Variants in IMMP2L observed in about 807,000 individuals in gnomAD.
The protein encoded by IMMP2L is inner mitochondrial membrane peptidase subunit 2.
Under a neutral mutation model 19.3 loss-of-function variants are expected in IMMP2L, and 18 were observed. The ratio of observed to expected loss-of-function variants is 0.93; its 90% CI spans 0.64 to 1.38. IMMP2L has a LOEUF of 1.38. Ranked by LOEUF, IMMP2L falls within the 40% of genes most tolerant of loss-of-function variation. The probability of loss-of-function intolerance (pLI) is 0.00; values close to 1 mark genes in which losing one functional copy is unlikely to be tolerated. For missense variants in IMMP2L, 233 were observed against 218.2 expected (o/e 1.07, Z -0.43); for synonymous variants, 76 against 73.0 (o/e 1.04, Z -0.21).
intron 5 of IMMP2L, among the ~76,000 whole-genome samples, chr7:110,811,325 C>A (rs1802019125): frequency 6.6e-6 from 1 of 151,942 alleles, no homozygotes; most frequent in African/African-American, 2.4e-5. Flanking sequence ...ACCTTAGTGA[C>A]TCATAAAGAA....
chr7:111,122,633 A>C (rs1586426260), intron 3 of IMMP2L: 1 of 664,338 alleles, frequency 1.5e-6, no homozygotes, highest in South Asian at 2.0e-5. Context: ...TATTTCAGTG[A>C]AGAAAAACTT....
At chr7:111,284,642 G>A (rs1820294463) in intron 3 of IMMP2L, among the ~76,000 whole-genome samples, 1 of 152,130 alleles carries the variant, frequency 6.6e-6, no homozygotes, top group South Asian at 2.1e-4. Flanking sequence ...TAAGCCCGGG[G>A]CTTTAAAAAT....
At chr7:110,712,554 G>A (rs534754262) in intron 5 of IMMP2L, among the ~76,000 whole-genome samples, 1 of 26,486 alleles carries the variant, frequency 3.8e-5, no homozygotes, top group Admixed American at 3.1e-4. Flanking sequence ...CGAGCTTCCC[G>A]GCTGCTTTGT....
chr7:111,032,844 G>T (rs1212154254), intron 3 of IMMP2L, among the ~76,000 whole-genome samples: 2 of 151,720 alleles, frequency 1.3e-5, no homozygotes, highest in African/African-American at 2.4e-5. Context: ...AATAGGCCGG[G>T]TGTGGTGGCT....
intron 3 of IMMP2L, among the ~76,000 whole-genome samples, chr7:111,474,237 G>A (rs1339420864): frequency 6.6e-6 from 1 of 151,998 alleles, no homozygotes; most frequent in Non-Finnish European, 1.5e-5. Context: ...CTCACTACCT[G>A]GATGACGGGA....
At chr7:110,940,981 A>G (rs1258698095) in intron 4 of IMMP2L, among the ~76,000 whole-genome samples, 1 of 152,196 alleles carries the variant, frequency 6.6e-6, no homozygotes, top group Admixed American at 6.5e-5. Flanking sequence ...TTAGGGGACC[A>G]ATCATCACTG....
chr7:111,403,096 C>G (rs1381919077), intron 3 of IMMP2L, among the ~76,000 whole-genome samples: 7 of 150,624 alleles, frequency 4.6e-5, no homozygotes, highest in Non-Finnish European at 8.8e-5. Flanking sequence ...TGGTTTGGCT[C>G]TGTGTCCCCA....
At chr7:110,808,405 G>T (rs1364211725) in intron 5 of IMMP2L, among the ~76,000 whole-genome samples, 1 of 152,008 alleles carries the variant, frequency 6.6e-6, no homozygotes. Context: ...AGGGAATCAA[G>T]AGTTTATTTA....
At chr7:111,274,622 T>A (rs1365249025) in intron 3 of IMMP2L, among the ~76,000 whole-genome samples, 1 of 152,172 alleles carries the variant, frequency 6.6e-6, no homozygotes, top group South Asian at 2.1e-4. Flanking sequence ...CATACTAAAT[T>A]ACAATAGCAG....
rs182479128 is a variant in IMMP2L at position 110,794,067 on chromosome 7, G to A, written c.408+92526C>T. Among the ~76,000 whole-genome samples, 453 of 152,056 alleles carry A rather than the reference G, an allele frequency of 3.0e-3. 3 individuals are homozygous for A. Among genetic ancestry groups the A allele is most frequent in the African/African-American group, 9.7e-3 (402 of 41,510 alleles). On this transcript the variant is annotated intron_variant, in intron 5 of 5. Coordinates refer to ENST00000405709, the MANE Select transcript of IMMP2L (RefSeq NM_032549.4). ...TGCTGGTAGAAATGCAAAATGGCAC[G>A]GCCACTTTGGAAGACAATTTGGCAG...
intron 3 of IMMP2L, among the ~76,000 whole-genome samples, chr7:111,468,373 T>C (rs1333375694): frequency 1.3e-5 from 2 of 152,170 alleles, no homozygotes; most frequent in African/African-American, 4.8e-5. Flanking sequence ...GGGTATCACA[T>C]AAATACATTG....
chr7:110,732,792 C>CTT (rs1251223681), intron 5 of IMMP2L, among the ~76,000 whole-genome samples: 8 of 140,938 alleles, frequency 5.7e-5, no homozygotes, highest in African/African-American at 1.5e-4. Flanking sequence ...CAATGAATTT[C>CTT]TTTTTTTTTT....
intron 1 of IMMP2L, among the ~76,000 whole-genome samples, chr7:111,536,025 A>C (rs1277855594): frequency 6.6e-6 from 1 of 152,110 alleles, no homozygotes; most frequent in African/African-American, 2.4e-5. Flanking sequence ...AAAAGATGGA[A>C]GTACATCAAA....
chr7:110,719,909 A>C (rs1314997504), intron 5 of IMMP2L, among the ~76,000 whole-genome samples: 1 of 152,202 alleles, frequency 6.6e-6, no homozygotes, highest in Non-Finnish European at 1.5e-5. Context: ...CCAAAATATC[A>C]AGTAAATCAA....
rs370272368 is a variant in IMMP2L at position 111,314,275 on chromosome 7, C to G, written c.239+172963G>C. Among the ~76,000 whole-genome samples, 9 of 152,146 alleles carry G rather than the reference C, an allele frequency of 5.9e-5. No individual in the cohort carries two copies. In the East Asian group the frequency reaches 1.5e-3, roughly 26 times the overall value. On this transcript the variant is annotated intron_variant, in intron 3 of 5. Transcript: ENST00000405709. ...AAAATAATATTTCAGATCAGAAAAA[C>G]AGCATGTATGGAGGCATACAGACCT... is the stretch of plus-strand genomic sequence containing the variant.
At chr7:111,209,843 G>C (rs1562929368) in intron 3 of IMMP2L, among the ~76,000 whole-genome samples, 1 of 152,108 alleles carries the variant, frequency 6.6e-6, no homozygotes, top group South Asian at 2.1e-4. Flanking sequence ...TGAAGGTTCG[G>C]GTCAGTAAAA....
At chr7:111,026,754 A>G (rs2129567974) in intron 3 of IMMP2L, among the ~76,000 whole-genome samples, 1 of 152,214 alleles carries the variant, frequency 6.6e-6, no homozygotes, top group East Asian at 1.9e-4. Context: ...TTATCCCCAC[A>G]CTGCTCTTAA....
chr7:111,111,314 A>T (rs1799168911), intron 3 of IMMP2L, among the ~76,000 whole-genome samples: 1 of 151,596 alleles, frequency 6.6e-6, no homozygotes, highest in South Asian at 2.1e-4. Context: ...AAAAAAAAAA[A>T]AAAAAAAAGT....
At chr7:111,242,842 A>C (rs1465950916) in intron 3 of IMMP2L, among the ~76,000 whole-genome samples, 1 of 152,054 alleles carries the variant, frequency 6.6e-6, no homozygotes, top group East Asian at 1.9e-4. Flanking sequence ...TCCTCAACTA[A>C]TTAAGATTTT....
Sources: allele counts gnomAD v4.1 joint callset (sites outside exome capture counted in the v4.1 genomes callset), GRCh38; gene constraint gnomAD v4.1.1; transcripts MANE v1.5; gene names NCBI Gene and HGNC (gene_info 2026-07-23, HGNC 2026-07-21).